The following IGF2BP2 variants were observed in gnomAD, a reference collection of about 807,000 sequenced individuals.
IGF2BP2 encodes insulin-like growth factor 2 mRNA-binding protein 2.
IGF2BP2 carries 17 observed loss-of-function variants against 75.8 expected under a neutral mutation model. The ratio of observed to expected loss-of-function variants is 0.22; its 90% CI spans 0.15 to 0.34. IGF2BP2 has a LOEUF of 0.34. Ranked by LOEUF, IGF2BP2 falls within the 10% of genes least tolerant of loss-of-function variation. The pLI is 1.00. For missense variants in IGF2BP2, 516 were observed against 772.4 expected, an observed-to-expected ratio of 0.67 and a Z score of 3.93; for synonymous variants, 288 against 295.6, an observed-to-expected ratio of 0.97 and a Z score of 0.26.
chr3:185,663,664 G>C (rs557585412), intron 10 of IGF2BP2, among the ~76,000 whole-genome samples: 1 of 152,098 alleles, frequency 6.6e-6, no homozygotes, highest in East Asian at 1.9e-4. Context: ...AGTGCAAAGC[G>C]CAAGGACCAG....
intron 6 of IGF2BP2, among the ~76,000 whole-genome samples, chr3:185,688,243 G>A (rs754137433): frequency 6.6e-6 from 1 of 152,156 alleles, no homozygotes; most frequent in Non-Finnish European, 1.5e-5. Flanking sequence ...CAGTAATTGG[G>A]TGCTTTGCAA....
chr3:185,700,715 A>G (rs1723173322), intron 2 of IGF2BP2, among the ~76,000 whole-genome samples: 1 of 152,212 alleles, frequency 6.6e-6, no homozygotes, highest in Non-Finnish European at 1.5e-5. Context: ...TAGATATTCT[A>G]TTGGAAGAAA....
chr3:185,812,735 T>A (rs1442308540), intron 2 of IGF2BP2, among the ~76,000 whole-genome samples: 3 of 152,190 alleles, frequency 2.0e-5, no homozygotes, highest in African/African-American at 7.2e-5. Flanking sequence ...GTTGTCTTCG[T>A]ATTGGGCAGT....
intron 2 of IGF2BP2, among the ~76,000 whole-genome samples, chr3:185,796,902 G>A (rs9809698): frequency 0.06 from 9,097 of 152,170 alleles, 862 homozygotes; most frequent in African/African-American, 0.2. Context: ...GCAACATACC[G>A]TTGTCATCAA....
At chr3:185,652,039 A>C (rs1714686336) in intron 13 of IGF2BP2, 55 bp downstream of exon 13, 1 of 1,409,036 alleles carries the variant, frequency 7.1e-7, no homozygotes, top group East Asian at 2.3e-5. Context: ...TGTGCCTCTG[A>C]GGTGGCTGCT....
At position 185,649,628 on chromosome 3, in the gene IGF2BP2, G is replaced by A. The variant is rs558614643; in HGVS notation, c.1462-94C>T. 1.2e-4 allele frequency: 181 copies of A among 1,524,688 alleles called. 4 individuals carry two copies. The South Asian group carries it at 2.0e-3, about 16-fold the overall frequency. The allele number at this position is 1,524,688 out of a possible 1,614,324, so 94.4% of individuals were successfully genotyped here. On this transcript the variant is annotated intron_variant, in intron 13 of 15. Transcript: ENST00000382199. The stretch of plus-strand genomic sequence containing the variant: ...AGGGCACTGGAGAGTCCAGACAATG[G>A]GTCAGTCCCATTCCCACACTCCCTG...
intron 2 of IGF2BP2, among the ~76,000 whole-genome samples, chr3:185,732,659 T>A (rs1485795873): frequency 6.6e-6 from 1 of 152,146 alleles, no homozygotes; most frequent in East Asian, 1.9e-4. Context: ...AACAATGCTT[T>A]TAAGCAACCA....
In IGF2BP2 at chr3:185,658,362, G is replaced by A; in HGVS notation, c.1248C>T (p.Gly416=). The A allele has an allele frequency of 6.2e-7, 1 of 1,613,910 alleles. No homozygotes were observed. The highest frequency in any genetic ancestry group is 8.5e-7 in the Non-Finnish European group (1 of 1,179,886). Residue 416 remains glycine, a synonymous_variant, in exon 11 of 16, where the codon GGC becomes GGT. Coordinates refer to ENST00000382199, the MANE Select transcript of IGF2BP2 (RefSeq NM_006548.6). ...FSSLYPHHQF[G]PFPHHHSYPE... is the part of the protein sequence containing the mutation. ...TTACAGAGTGATGATGCGGGAACGG[G>A]CCAAACTGGTGATGGGGGTACAGGC... is the stretch of plus-strand genomic sequence containing the variant.
chr3:185,680,818 C>T (rs562450319), intron 7 of IGF2BP2, among the ~76,000 whole-genome samples: 1 of 32,056 alleles, frequency 3.1e-5, no homozygotes, highest in Non-Finnish European at 5.5e-5. Context: ...CAATAAATCA[C>T]ATTAACAGAA....
chr3:185,786,587 T>G (rs1169060619), intron 2 of IGF2BP2, among the ~76,000 whole-genome samples: 1 of 141,202 alleles, frequency 7.1e-6, no homozygotes, highest in Non-Finnish European at 1.5e-5. Context: ...AATTTTCCAC[T>G]ACCCACCCAA....
chr3:185,694,037 C>G (rs576733786), intron 4 of IGF2BP2, among the ~76,000 whole-genome samples: 2 of 152,310 alleles, frequency 1.3e-5, no homozygotes, highest in Non-Finnish European at 2.9e-5. Context: ...TGTTAAATAA[C>G]TTTAAAGCAG....
At chr3:185,694,257 G>C (rs999549611) in intron 4 of IGF2BP2, among the ~76,000 whole-genome samples, 3 of 152,188 alleles carry the variant, frequency 2.0e-5, no homozygotes, top group African/African-American at 4.8e-5. Context: ...CTGACACAGA[G>C]AATGCTAAAA....
chr3:185,663,369 G>A (rs932266394), intron 10 of IGF2BP2, among the ~76,000 whole-genome samples: 1 of 152,230 alleles, frequency 6.6e-6, no homozygotes, highest in African/African-American at 2.4e-5. Context: ...GAGGCAGAGG[G>A]AGATGGGTAA....
intron 2 of IGF2BP2, among the ~76,000 whole-genome samples, chr3:185,725,626 G>A (rs185020649): frequency 6.6e-5 from 10 of 152,178 alleles, no homozygotes; most frequent in Non-Finnish European, 1.3e-4. Flanking sequence ...CTAAATACAT[G>A]GAATTTGCAT....
chr3:185,703,481 C>T (rs1397819161), intron 2 of IGF2BP2, among the ~76,000 whole-genome samples: 2 of 151,864 alleles, frequency 1.3e-5, no homozygotes, highest in Admixed American at 6.6e-5. Context: ...TGAGGAACCT[C>T]GTGAAACTGA....
chr3:185,819,309 A>G (rs1741028332), intron 2 of IGF2BP2, among the ~76,000 whole-genome samples: 1 of 152,132 alleles, frequency 6.6e-6, no homozygotes, highest in Admixed American at 6.5e-5. Flanking sequence ...TTACAATTTA[A>G]AATTTTTATG....
intron 12 of IGF2BP2, among the ~76,000 whole-genome samples, chr3:185,653,257 A>T (rs1316500093): frequency 2.0e-5 from 3 of 152,332 alleles, no homozygotes; most frequent in African/African-American, 7.2e-5. Flanking sequence ...TATTAAAAAA[A>T]ACTTCAGCTA....
At chr3:185,763,400 T>G (rs1035928348) in intron 2 of IGF2BP2, among the ~76,000 whole-genome samples, 10 of 152,202 alleles carry the variant, frequency 6.6e-5, no homozygotes, top group Non-Finnish European at 1.2e-4. Flanking sequence ...CATTTGTATT[T>G]CTCCTGCGAC....
chr3:185,770,387 T>A (rs1733719722), intron 2 of IGF2BP2, among the ~76,000 whole-genome samples: 1 of 152,192 alleles, frequency 6.6e-6, no homozygotes, highest in Non-Finnish European at 1.5e-5. Flanking sequence ...CGAACAGAGA[T>A]TCACCATGTC....
Sources: allele counts gnomAD v4.1 joint callset (sites outside exome capture counted in the v4.1 genomes callset), GRCh38; gene constraint gnomAD v4.1.1; transcripts MANE v1.5; gene names NCBI Gene and HGNC (gene_info 2026-07-23, HGNC 2026-07-21).